Variants in PCDHA3 observed in about 807,000 individuals in gnomAD.
The protein encoded by PCDHA3 is protocadherin alpha 3.
A neutral mutation model predicts 62.2 loss-of-function variants in PCDHA3; 41 were observed. That is an observed-to-expected ratio of 0.66 (90% confidence interval 0.51 to 0.86). The LOEUF is 0.86. PCDHA3 is among the 40% of genes least tolerant of loss of function. The probability of loss-of-function intolerance (pLI) is 0.00; values close to 1 mark genes in which losing one functional copy is unlikely to be tolerated. For synonymous variants in PCDHA3, 640 were observed against 555.4 expected, an observed-to-expected ratio of 1.15 and a Z score of -2.14; for missense variants, 1,304 against 1,241.2, an observed-to-expected ratio of 1.05 and a Z score of -0.76.
intron 1 of PCDHA3, chr5:140,854,468 A>G (rs1581342472): frequency 6.7e-6 from 1 of 150,046 alleles, no homozygotes; most frequent in African/African-American, 2.4e-5. Flanking sequence ...CCAGAGGAGT[A>G]GAGAAGTATA....
rs2150328350 is a variant in PCDHA3, at chr5:140,842,056, T to G, written c.2394+38465T>G. On this transcript the variant is annotated intron_variant, in intron 1 of 3. Transcript: ENST00000522353. ...ATAATGCTCCCACTTTCGAACAGTCTGAATACGAAGTAAGAATATTCGAAA... is the reference window on the plus strand; with the variant it reads ...ATAATGCTCCCACTTTCGAACAGTCGGAATACGAAGTAAGAATATTCGAAA... The G allele has an allele frequency of 3.7e-5, 59 of 1,613,726 alleles. 1 individual carries two copies. Among genetic ancestry groups the G allele is most frequent in the Non-Finnish European group, 4.6e-5 (54 of 1,179,870 alleles).
At chr5:140,999,159 G>A (rs1056236953) in intron 3 of PCDHA3, among the ~76,000 whole-genome samples, 2 of 152,182 alleles carry the variant, frequency 1.3e-5, no homozygotes, top group African/African-American at 2.4e-5. Flanking sequence ...CAGTCCCCTA[G>A]AAGGAAAAGA....
intron 1 of PCDHA3, chr5:140,866,128 A>G (rs1022878402): frequency 6.6e-6 from 1 of 152,166 alleles, no homozygotes; most frequent in Non-Finnish European, 1.5e-5. Flanking sequence ...AGAACTACGT[A>G]TCTGTTGTTT....
At chr5:140,883,989 G>C (rs1554180956) in intron 1 of PCDHA3, 1 of 1,612,834 alleles carries the variant, frequency 6.2e-7, no homozygotes, top group Non-Finnish European at 8.5e-7. Flanking sequence ...GGCAGCGCGG[G>C]AGGCACAGTG....
intron 1 of PCDHA3, among the ~76,000 whole-genome samples, chr5:140,924,769 C>T (rs988519447): frequency 1.3e-5 from 2 of 151,766 alleles, no homozygotes; most frequent in Admixed American, 6.6e-5. Flanking sequence ...GTGGTGCGCG[C>T]TTGTAGTCCT....
In PCDHA3 at chr5:140,828,703, A is replaced by C. The variant is rs1438120324; in HGVS notation, c.2394+25112A>C. The stretch of plus-strand genomic sequence containing the variant: ...TAAAGAAATCCTTGGACAGAGAGGA[A>C]GCTCCTGCACACAACTTATTCCTGA... On this transcript the variant is annotated intron_variant, in intron 1 of 3. Coordinates refer to ENST00000522353, the MANE Select transcript of PCDHA3 (RefSeq NM_018906.3). The C allele has an allele frequency of 1.3e-5, 21 of 1,614,248 alleles. 1 individual carries two copies. The African/African-American group carries it at 1.6e-4, about 12-fold the overall frequency.
chr5:140,807,310 C>G (rs1554123873), intron 1 of PCDHA3: 1 of 1,614,114 alleles, frequency 6.2e-7, no homozygotes, highest in South Asian at 1.1e-5. Flanking sequence ...AGGCCAAACA[C>G]GGCACCTTCG....
chr5:140,874,321 T>C (rs1476462736), intron 1 of PCDHA3, among the ~76,000 whole-genome samples: 2 of 151,726 alleles, frequency 1.3e-5, no homozygotes, highest in Non-Finnish European at 2.9e-5. Flanking sequence ...TGTAGGATCT[T>C]ATCTGTTTTT....
At chr5:140,939,894 T>A (rs1554213013) in intron 1 of PCDHA3, among the ~76,000 whole-genome samples, 1 of 152,220 alleles carries the variant, frequency 6.6e-6, no homozygotes, top group African/African-American at 2.4e-5. Flanking sequence ...TGTTCAAATA[T>A]TCTGCATTCT....
chr5:140,808,176 T>C (rs782558494), intron 1 of PCDHA3: 3 of 1,614,256 alleles, frequency 1.9e-6, no homozygotes, highest in Non-Finnish European at 2.5e-6. Flanking sequence ...CAGCTCCCAC[T>C]TTCTGGCCAT....
chr5:140,927,611 C>T, intron 1 of PCDHA3: 1 of 1,614,164 alleles, frequency 6.2e-7, no homozygotes, highest in Admixed American at 1.7e-5. Context: ...GTATACCGCA[C>T]CAAGGTTCCA....
intron 1 of PCDHA3, among the ~76,000 whole-genome samples, chr5:140,911,201 C>G: frequency 6.6e-6 from 1 of 152,110 alleles, no homozygotes; most frequent in Non-Finnish European, 1.5e-5. Context: ...GACATGTTGC[C>G]ACTACTGGGG....
At chr5:140,883,890 G>T (rs2153398485) in intron 1 of PCDHA3, 1 of 1,613,462 alleles carries the variant, frequency 6.2e-7, no homozygotes, top group Non-Finnish European at 8.5e-7. Context: ...CGCGACTCTG[G>T]CGTGCCGCCT....
rs557419543 is a variant in PCDHA3, at chr5:140,854,019, G to A, written c.2394+50428G>A. On this transcript the variant is annotated intron_variant, in intron 1 of 3. Transcript: ENST00000522353. ...CTCTGCCAAAAAAAAAAAATTAGCCGGGCATGGTGGCACACATCTCTAGTC... is the reference window on the plus strand; with the variant it reads ...CTCTGCCAAAAAAAAAAAATTAGCCAGGCATGGTGGCACACATCTCTAGTC... 8.1e-5 allele frequency: 27 copies of A among 335,108 alleles called. No homozygotes were observed. In the South Asian group the frequency reaches 3.3e-3, roughly 41 times the overall value. 20.8% of individuals were successfully genotyped at this position (335,108 alleles called of 1,614,324 possible). A position where few individuals can be genotyped will look rare whatever the true frequency, so the allele number is the denominator to read the frequency against.
chr5:140,940,940 G>A (rs187772223), intron 1 of PCDHA3, among the ~76,000 whole-genome samples: 2 of 152,254 alleles, frequency 1.3e-5, no homozygotes, highest in Non-Finnish European at 2.9e-5. Context: ...CTTAGACTAC[G>A]TATTCTCAGA....
At chr5:140,839,146 T>A (rs2150295080) in intron 1 of PCDHA3, among the ~76,000 whole-genome samples, 1 of 129,620 alleles carries the variant, frequency 7.7e-6, no homozygotes, top group Non-Finnish European at 1.6e-5. Flanking sequence ...GCAGACCAAG[T>A]TTGCTGCTCT....
chr5:140,988,268 G>A (rs1463795699), intron 3 of PCDHA3, among the ~76,000 whole-genome samples: 3 of 152,160 alleles, frequency 2.0e-5, no homozygotes, highest in Non-Finnish European at 4.4e-5. Context: ...AGTATCCTTC[G>A]CTGTCACCTG....
At chr5:140,870,876 GA>G (rs34601225) in intron 1 of PCDHA3, 1 of 1,613,958 alleles carries the variant, frequency 6.2e-7, no homozygotes, top group Non-Finnish European at 8.5e-7. Flanking sequence ...ACGTGGTGGC[GA>G]AGGTGCGCGC....
intron 1 of PCDHA3, chr5:140,816,216 CTCTG>C (rs1765866048): frequency 6.6e-6 from 1 of 152,144 alleles, no homozygotes; most frequent in Non-Finnish European, 1.5e-5. Context: ...CTTTTTGCTA[CTCTG>C]TCTGGATAAT....
Sources: allele counts gnomAD v4.1 joint callset (sites outside exome capture counted in the v4.1 genomes callset), GRCh38; gene constraint gnomAD v4.1.1; transcripts MANE v1.5; gene names NCBI Gene and HGNC (gene_info 2026-07-23, HGNC 2026-07-21).